Variants in ACAD11 observed in about 807,000 individuals in gnomAD.
ACAD11 encodes the protein acyl-Coenzyme A dehydrogenase family, member 11.
In ACAD11, 83 loss-of-function variants were observed where a neutral mutation model predicts 102.2. The ratio of observed to expected loss-of-function variants is 0.81; its 90% CI spans 0.68 to 0.97. ACAD11 has a LOEUF of 0.97. Ranked by LOEUF, ACAD11 falls within the 50% of genes least tolerant of loss-of-function variation. The pLI, the probability that ACAD11 is intolerant of heterozygous loss-of-function variation, is 0.00. For synonymous variants in ACAD11, 324 were observed against 319.8 expected, an observed-to-expected ratio of 1.01 and a Z score of -0.14; for missense variants, 901 against 951.7, an observed-to-expected ratio of 0.95 and a Z score of 0.70.
chr3:132,630,364 G>A lies in ACAD11; in HGVS notation c.963+73C>T, dbSNP rs2305628. 4.5e-4 allele frequency: 640 copies of A among 1,431,756 alleles called. 6 individuals are homozygous for A. The East Asian group carries it at 0.014, about 31-fold the overall frequency. 88.7% of individuals were successfully genotyped at this position (1,431,756 alleles called of 1,614,324 possible). A position where few individuals can be genotyped will look rare whatever the true frequency, so the allele number is the denominator to read the frequency against. On this transcript the variant is annotated intron_variant, in intron 7 of 19. Coordinates refer to ENST00000264990, the MANE Select transcript of ACAD11 (RefSeq NM_032169.5). Reference sequence around the variant, plus strand: ...TCTAAGGATAAAGAATATAAAACCCGGAAGACTGGAAAACATTGTCAACAG... The same window carrying A: ...TCTAAGGATAAAGAATATAAAACCCAGAAGACTGGAAAACATTGTCAACAG...
Position 132,559,907 on chromosome 3 carries a change from G to A in ACAD11, c.2154C>T (p.Val718=). 6.2e-7 allele frequency: 1 copy of A among 1,613,400 alleles called. No homozygotes were observed. The highest frequency in any genetic ancestry group is 8.5e-7 in the Non-Finnish European group (1 of 1,179,652). Residue 718 remains valine, a synonymous_variant, in exon 19 of 20, where the codon GTC becomes GTT. Coordinates refer to ENST00000264990, the MANE Select transcript of ACAD11 (RefSeq NM_032169.5). The stretch of plus-strand genomic sequence containing the variant: ...GGATGGCCCAGTCAACGATTTTGCT[G>A]ACAGCCCGTGGGGCAGCCACTTTGA... ...AMIKVAAPRA[V]SKIVDWAIQV...
At chr3:132,659,474 A>T in intron 1 of ACAD11, 129 bp downstream of exon 1, 1 of 1,335,182 alleles carries the variant, frequency 7.5e-7, no homozygotes, top group South Asian at 1.3e-5. Context: ...TCATGCCTGT[A>T]GGGTGCGTCC....
chr3:132,626,344 TGTATA>T (rs1367759639), intron 9 of ACAD11, among the ~76,000 whole-genome samples: 3 of 152,014 alleles, frequency 2.0e-5, no homozygotes, highest in Non-Finnish European at 2.9e-5. Context: ...GTGTCCATCT[TGTATA>T]GTCTACACTT....
intron 11 of ACAD11, among the ~76,000 whole-genome samples, chr3:132,618,005 G>A (rs111933766): frequency 6.6e-5 from 10 of 152,250 alleles, no homozygotes; most frequent in African/African-American, 2.4e-4. Flanking sequence ...ATTTAAAAAT[G>A]TAACCCATAT....
intron 11 of ACAD11, chr3:132,618,430 T>C (rs1004507320): frequency 9.6e-6 from 5 of 520,096 alleles, no homozygotes; most frequent in Admixed American, 8.2e-5. Flanking sequence ...ATACTCTTAA[T>C]TGTAATGATA....
intron 2 of ACAD11, 93 bp downstream of exon 2, chr3:132,644,704 C>A: frequency 1.9e-6 from 1 of 536,802 alleles, no homozygotes; most frequent in Non-Finnish European, 3.2e-6. Context: ...ATTTGGCAAT[C>A]ATAAGATGCC....
At chr3:132,655,127 G>A (rs558387519) in intron 1 of ACAD11, among the ~76,000 whole-genome samples, 27 of 152,100 alleles carry the variant, frequency 1.8e-4, no homozygotes, top group East Asian at 9.6e-4. Context: ...TGACCAAAAC[G>A]TCATTATGCA....
chr3:132,602,327 A>T (rs192099864), intron 13 of ACAD11: 264 of 167,152 alleles, frequency 1.6e-3, no homozygotes, highest in African/African-American at 6.2e-3. Flanking sequence ...TGTTAGGTTT[A>T]TCATATATAG....
intron 16 of ACAD11, among the ~76,000 whole-genome samples, chr3:132,576,504 A>T (rs2369791): frequency 6.6e-6 from 1 of 152,230 alleles, no homozygotes; most frequent in Non-Finnish European, 1.5e-5. Flanking sequence ...ACTTGAATTC[A>T]TAAAGTACTG....
At chr3:132,583,320 T>C (rs1937645200) in intron 13 of ACAD11, among the ~76,000 whole-genome samples, 1 of 152,226 alleles carries the variant, frequency 6.6e-6, no homozygotes, top group Non-Finnish European at 1.5e-5. Context: ...TCTTCTAGAT[T>C]TTCTAGTTTA....
intron 4 of ACAD11, among the ~76,000 whole-genome samples, chr3:132,639,998 TCACACACACACA>T (rs539317705): frequency 6.8e-6 from 1 of 147,074 alleles, no homozygotes; most frequent in African/African-American, 2.5e-5. Flanking sequence ...ACACTCTCTC[TCACACACACACA>T]CACACACACA....
At chr3:132,609,833 A>T (rs1939041598) in intron 11 of ACAD11, among the ~76,000 whole-genome samples, 1 of 152,188 alleles carries the variant, frequency 6.6e-6, no homozygotes, top group African/African-American at 2.4e-5. Context: ...AAAAAAAGAA[A>T]ATTTCAGGCC....
At chr3:132,602,635 T>C (rs984160707) in intron 13 of ACAD11, among the ~76,000 whole-genome samples, 3 of 152,180 alleles carry the variant, frequency 2.0e-5, no homozygotes, top group Admixed American at 2.0e-4. Flanking sequence ...GCAATTACAT[T>C]GGTCAAAAAT....
chr3:132,578,474 C>T (rs1937553484), intron 15 of ACAD11: 1 of 152,916 alleles, frequency 6.5e-6, no homozygotes, highest in South Asian at 2.1e-4. Context: ...ATTATCTGTG[C>T]ATTAATCCAT....
At chr3:132,614,302 T>C (rs62291499) in intron 11 of ACAD11, among the ~76,000 whole-genome samples, 14,133 of 152,156 alleles carry the variant, frequency 0.093, 820 homozygotes, top group South Asian at 0.14. Context: ...TTGACTTTCT[T>C]CACAGAATTA....
intron 17 of ACAD11, among the ~76,000 whole-genome samples, chr3:132,569,464 GT>G (rs1322079743): frequency 6.6e-6 from 1 of 152,076 alleles, no homozygotes; most frequent in Non-Finnish European, 1.5e-5. Flanking sequence ...AATTGCACTC[GT>G]GGGCATTTAT....
intron 5 of ACAD11, among the ~76,000 whole-genome samples, chr3:132,635,553 G>GTA (rs1940240613): frequency 1.3e-5 from 2 of 152,152 alleles, no homozygotes; most frequent in East Asian, 3.8e-4. Flanking sequence ...TTTGCTGGCT[G>GTA]TATAACTCTG....
intron 1 of ACAD11, among the ~76,000 whole-genome samples, chr3:132,655,220 G>C (rs1018492302): frequency 9.9e-5 from 15 of 152,260 alleles, no homozygotes; most frequent in South Asian, 8.3e-4. Context: ...ATATCTCCCT[G>C]CTGGAACACT....
chr3:132,644,891 C>G lies in ACAD11; in HGVS notation c.155G>C (p.Gly52Ala). 1 of 1,597,456 alleles carries G rather than the reference C, an allele frequency of 6.3e-7. No homozygotes were observed. The highest frequency in any genetic ancestry group is 2.2e-5 in the East Asian group (1 of 44,730). Reference sequence around the variant, plus strand: ...GAGATAAAAGGTTGGATTGGACTTTCCTGCTCTAGATAAAAGTAAAAAAAA... The same window carrying G: ...GAGATAAAAGGTTGGATTGGACTTTGCTGCTCTAGATAAAAGTAAAAAAAA... Reference protein sequence around the residue: ...ATLTIAQYRAGKSNPTFYLQK... With the variant: ...ATLTIAQYRAAKSNPTFYLQK... The change falls in exon 2 of 20, where the codon GGA (glycine) becomes GCA (alanine). Residue 52 changes from glycine (G) to alanine (A), a missense_variant. By Grantham distance (60) the Gly-to-Ala change is moderately conservative. Transcript: ENST00000264990.
Sources: gnomAD v4.1 joint callset for allele counts (sites outside exome capture counted in the v4.1 genomes callset) on GRCh38, gnomAD v4.1.1 for gene constraint, MANE v1.5 for transcripts, NCBI Gene and HGNC (gene_info 2026-07-23, HGNC 2026-07-21) for gene names.